The following NCR1 variants were observed in gnomAD, a reference collection of about 807,000 sequenced individuals.
NCR1 encodes NK cell-activating receptor.
NCR1 carries 30 observed loss-of-function variants against 32.5 expected under a neutral mutation model. The ratio of observed to expected loss-of-function variants is 0.92; its 90% CI spans 0.69 to 1.25. The LOEUF (loss-of-function observed/expected upper bound fraction) is 1.25. Among genes scored for constraint, NCR1 ranks in the 50% most tolerant of loss-of-function variants. NCR1 has a pLI of 0.00. For missense variants in NCR1, 369 were observed against 380.7 expected (o/e 0.97, Z 0.26); for synonymous variants, 169 against 143.4 (o/e 1.18, Z -1.28).
chr19:54,933,503 AAGTAC>A, the NCR1 span: 2 of 1,567,852 alleles, frequency 1.3e-6, no homozygotes, highest in Non-Finnish European at 1.8e-6. Context: ...ATGAATTAAC[AAGTAC>A]TTTCATGTCT....
intron 5 of NCR1, 48 bp from the exon 6 acceptor site, chr19:54,912,117 GGGT>G (rs778904762): frequency 6.7e-7 from 1 of 1,491,368 alleles, no homozygotes; most frequent in South Asian, 1.1e-5. Context: ...AGGAGTGCTG[GGGT>G]GGAGGAGGTC....
downstream of NCR1, among the ~76,000 whole-genome samples, chr19:54,918,701 C>CGGT (rs2068182681): frequency 2.0e-5 from 3 of 151,996 alleles, no homozygotes; most frequent in South Asian, 6.3e-4. Flanking sequence ...GAGCCAGGCA[C>CGGT]GGTGGCGGTG....
At chr19:54,930,080 ACTC>A in the NCR1 span, among the ~76,000 whole-genome samples, 1 of 144,638 alleles carries the variant, frequency 6.9e-6, no homozygotes, top group Middle Eastern at 3.3e-3. Context: ...GCGCCACTGC[ACTC>A]CAGCCTGGGC....
At chr19:54,923,924 C>G in the NCR1 span, 3 of 1,590,754 alleles carry the variant, frequency 1.9e-6, no homozygotes, top group Non-Finnish European at 1.7e-6. Context: ...CTCAACTACC[C>G]AGGATGCCTG....
chr19:54,921,165 A>G, the NCR1 span, among the ~76,000 whole-genome samples: 1 of 152,232 alleles, frequency 6.6e-6, no homozygotes, highest in South Asian at 2.1e-4. Context: ...CGGGAACTTC[A>G]TGTGCATGTA....
At chr19:54,934,368 G>C in the NCR1 span, 6 of 989,276 alleles carry the variant, frequency 6.1e-6, no homozygotes, top group Non-Finnish European at 9.8e-6. This position sits in a 1 kb window ranked among gnomAD's most constrained non-coding sequence, Gnocchi z 6.7. Context: ...TGCCGGGCCT[G>C]AAGCAGGTGT....
At chr19:54,928,298 G>A in the NCR1 span, among the ~76,000 whole-genome samples, 8,885 of 152,168 alleles carry the variant, frequency 0.058, 594 homozygotes, top group African/African-American at 0.16. Context: ...CTACTCGAGA[G>A]GCAGGAGAAT....
chr19:54,909,101 C>G, intron 3 of NCR1, 144 bp from the exon 4 acceptor site: 1 of 715,852 alleles, frequency 1.4e-6, no homozygotes, highest in Non-Finnish European at 2.2e-6. Context: ...ACCCGGGAGG[C>G]GGAGGTTGCA....
chr19:54,899,527 C>T, the NCR1 span, among the ~76,000 whole-genome samples: 8 of 151,446 alleles, frequency 5.3e-5, no homozygotes, highest in African/African-American at 1.9e-4. Flanking sequence ...GACAAGAGGT[C>T]GGGGTGTGGA....
chr19:54,924,388 C>A, the NCR1 span, among the ~76,000 whole-genome samples: 1 of 152,312 alleles, frequency 6.6e-6, no homozygotes, highest in South Asian at 2.1e-4. Context: ...TTTGGGAGGC[C>A]AAGGCAGGCA....
upstream of NCR1, among the ~76,000 whole-genome samples, chr19:54,902,121 C>A (rs2067311530): frequency 6.6e-6 from 1 of 152,100 alleles, no homozygotes. Flanking sequence ...TGACCTTGAA[C>A]ATTAATAACA....
the NCR1 span, among the ~76,000 whole-genome samples, chr19:54,937,210 T>A: frequency 2.1e-5 from 3 of 146,026 alleles, no homozygotes; most frequent in Non-Finnish European, 4.5e-5. Flanking sequence ...ATAGCGAGAC[T>A]GTCTCAAAAA....
chr19:54,917,445 A>G (rs1303492876), downstream of NCR1, among the ~76,000 whole-genome samples: 1 of 151,968 alleles, frequency 6.6e-6, no homozygotes, highest in Non-Finnish European at 1.5e-5. Context: ...TCAGCCCCCC[A>G]AGGAGCTGGG....
At chr19:54,925,241 T>G in the NCR1 span, among the ~76,000 whole-genome samples, 2 of 152,130 alleles carry the variant, frequency 1.3e-5, no homozygotes, top group Non-Finnish European at 2.9e-5. Context: ...GGCTAGAGAT[T>G]TGTCACCAAT....
the NCR1 span, chr19:54,933,604 G>T: frequency 1.2e-6 from 2 of 1,614,062 alleles, no homozygotes. Context: ...GGTAACTCAA[G>T]CCCTCACACA....
chr19:54,920,597 C>G (rs1425074475), downstream of NCR1, among the ~76,000 whole-genome samples: 1 of 152,132 alleles, frequency 6.6e-6, no homozygotes, highest in African/African-American at 2.4e-5. Context: ...GAAGCGAAGG[C>G]AAGGGGATAA....
the NCR1 span, chr19:54,938,188 C>G: frequency 6.2e-6 from 10 of 1,613,804 alleles, no homozygotes; most frequent in South Asian, 6.6e-5. Context: ...TGTCCAGAGG[C>G]GAAGAGAGCG....
chr19:54,934,626 CCACTGCT>C, the NCR1 span: 1 of 1,613,960 alleles, frequency 6.2e-7, no homozygotes. The surrounding 1 kb of genome is among the most constrained non-coding windows in gnomAD (Gnocchi z 6.7). Flanking sequence ...AGAATTCAGC[CCACTGCT>C]CCGGGGTGGC....
rs1324530972 is a variant in NCR1, at chr19:54,906,291, TCTTC to T, written c.35-6_35-3del. 1.2e-6 allele frequency: 2 copies of T among 1,614,000 alleles called. No individual in the cohort carries two copies. The highest frequency in any genetic ancestry group is 1.7e-6 in the Non-Finnish European group (2 of 1,180,048). On this transcript the variant is annotated splice_region_variant and splice_polypyrimidine_tract_variant and intron_variant, in intron 1 of 6. Coordinates refer to ENST00000291890, the MANE Select transcript of NCR1 (RefSeq NM_004829.7). ...GAGGCAACAGGTCTCATTACTCCCG[TCTTC>T]CAGGGCTGTGTCTGAGTCAGAGGAT...
Sources: allele counts gnomAD v4.1 joint callset (sites outside exome capture counted in the v4.1 genomes callset), GRCh38; gene constraint gnomAD v4.1.1; non-coding constraint Gnocchi (gnomAD v3.1); transcripts MANE v1.5; gene names NCBI Gene and HGNC (gene_info 2026-07-23, HGNC 2026-07-21).